Variants in PTPRT observed in about 807,000 individuals in gnomAD.
PTPRT encodes protein tyrosine phosphatase receptor type T.
In PTPRT, 56 loss-of-function variants were observed where a neutral mutation model predicts 176.8. The ratio of observed to expected loss-of-function variants is 0.32; its 90% CI spans 0.26 to 0.40. The LOEUF (loss-of-function observed/expected upper bound fraction) is 0.40. Among genes scored for constraint, PTPRT ranks in the 10% least tolerant of loss-of-function variants. PTPRT has a pLI of 1.00. For synonymous variants in PTPRT, 783 were observed against 739.0 expected, an observed-to-expected ratio of 1.06 and a Z score of -0.96; for missense variants, 1,540 against 1,908.2, an observed-to-expected ratio of 0.81 and a Z score of 3.60.
chr20:42,429,791 G>A (rs1389570637), intron 9 of PTPRT, among the ~76,000 whole-genome samples: 1 of 152,204 alleles, frequency 6.6e-6, no homozygotes, highest in Non-Finnish European at 1.5e-5. Context: ...TCATCCAGGT[G>A]CCGAGGGTCA....
intron 1 of PTPRT, among the ~76,000 whole-genome samples, chr20:43,173,009 A>G (rs2015041333): frequency 6.6e-6 from 1 of 151,494 alleles, no homozygotes; most frequent in African/African-American, 2.4e-5. Context: ...AGTAGCTGGG[A>G]TTACAGGCAT....
chr20:43,038,414 T>C (rs1223052342), intron 1 of PTPRT, among the ~76,000 whole-genome samples: 2 of 152,164 alleles, frequency 1.3e-5, no homozygotes, highest in African/African-American at 4.8e-5. Context: ...TAAAACCACA[T>C]GACAATCTCA....
At chr20:42,476,804 C>T (rs542762366) in intron 7 of PTPRT, among the ~76,000 whole-genome samples, 6 of 152,234 alleles carry the variant, frequency 3.9e-5, no homozygotes, top group African/African-American at 4.8e-5. Context: ...AACAACTCGA[C>T]GGTATAGGAA....
chr20:43,141,313 C>T (rs558406080), intron 1 of PTPRT, among the ~76,000 whole-genome samples: 3 of 152,276 alleles, frequency 2.0e-5, no homozygotes, highest in East Asian at 3.9e-4. Flanking sequence ...TTCTGCTGGT[C>T]GTGGCGAGGC....
intron 8 of PTPRT, among the ~76,000 whole-genome samples, chr20:42,470,767 G>GGAGGACAGGTCATTCCAA (rs2071179521): frequency 6.6e-6 from 1 of 152,018 alleles, no homozygotes; most frequent in East Asian, 1.9e-4. Flanking sequence ...TTGCAAACAT[G>GGAGGACAGGTCATTCCAA]GAGGACAGGT....
At chr20:42,408,760 TA>T (rs1312256454) in intron 9 of PTPRT, among the ~76,000 whole-genome samples, 1 of 152,210 alleles carries the variant, frequency 6.6e-6, no homozygotes, top group Non-Finnish European at 1.5e-5. Flanking sequence ...TCTGCTGCTA[TA>T]AAAAAATACT....
chr20:42,939,719 G>GA (rs896242493), intron 1 of PTPRT, among the ~76,000 whole-genome samples: 10 of 151,694 alleles, frequency 6.6e-5, no homozygotes, highest in Non-Finnish European at 1.3e-4. Context: ...ATTTTAGTAA[G>GA]AAAAAAAGAC....
chr20:42,678,015 G>A lies in PTPRT; in HGVS notation c.1004C>T (p.Ala335Val), dbSNP rs2146066809. Residue 335 changes from alanine (A) to valine (V), a missense_variant, in exon 7 of 31, where the codon GCA (alanine) becomes GTA (valine). Ala to Val is a moderately conservative substitution (Grantham distance 64). This residue lies in a region of PTPRT where 273 missense variants were observed against 432.1 expected (regional missense o/e 0.63). Transcript: ENST00000373187. ...GGGAGAGTCGACTATGTGGGTCTCT[G>A]CCCACGTGCCTGTGGTGGTGCGATA... ...VEYRTTTGTW[A>V]ETHIVDSPNY... The A allele has an allele frequency of 6.2e-7, 1 of 1,614,128 alleles. No homozygotes were observed. Among genetic ancestry groups the A allele is most frequent in the East Asian group, 2.2e-5 (1 of 44,848 alleles).
At position 42,206,753 on chromosome 20, in the gene PTPRT, C is replaced by CGGAAG. The variant is rs1284368043; in HGVS notation, c.2343-7370_2343-7366dup. On this transcript the variant is annotated intron_variant, in intron 15 of 30. Transcript: ENST00000373187. ...GCTTGCTTAGATAAACAAAGCAGCCCGGAAGCTCGAACTGGGTGAACTGGG... is the reference window on the plus strand; with the variant it reads ...GCTTGCTTAGATAAACAAAGCAGCCCGGAAGGGAAGCTCGAACTGGGTGAACTGGG... 1.2e-4 allele frequency among the ~76,000 whole-genome samples: 19 copies of CGGAAG among 152,334 alleles called. No individual in the cohort carries two copies. In the East Asian group the frequency reaches 3.7e-3, roughly 29 times the overall value.
intron 16 of PTPRT, among the ~76,000 whole-genome samples, chr20:42,184,431 G>A (rs1165304026): frequency 1.3e-5 from 2 of 150,020 alleles, no homozygotes. Flanking sequence ...CCTTTCCTTT[G>A]CTTTCCCTCC....
At chr20:42,704,446 AG>A (rs2076021183) in intron 6 of PTPRT, among the ~76,000 whole-genome samples, 1 of 151,234 alleles carries the variant, frequency 6.6e-6, no homozygotes, top group Admixed American at 6.6e-5. Context: ...AAAAAAAAAA[AG>A]TTCCACTTCC....
chr20:42,197,723 G>GA lies in PTPRT; in HGVS notation c.2491+1516dup, dbSNP rs202171739. ...ACTTCTAAATGATTCAGAAAATTTT[G>GA]AAAAAAAAAACATGGATAAGGGGAG... On this transcript the variant is annotated intron_variant, in intron 16 of 30. Coordinates refer to ENST00000373187, the MANE Select transcript of PTPRT (RefSeq NM_007050.6). Among the ~76,000 whole-genome samples, 1,125 of 144,224 alleles carry GA rather than the reference G, an allele frequency of 7.8e-3. 9 individuals carry two copies. The highest frequency in any genetic ancestry group is 6.6e-3 in the Non-Finnish European group (433 of 65,514). 94.6% of individuals were successfully genotyped at this position (144,224 alleles called of 152,430 possible). A position where few individuals can be genotyped will look rare whatever the true frequency, so the allele number is the denominator to read the frequency against.
chr20:42,284,731 T>C (rs1030112731), intron 12 of PTPRT, among the ~76,000 whole-genome samples: 1 of 151,942 alleles, frequency 6.6e-6, no homozygotes, highest in African/African-American at 2.4e-5. Context: ...AAGGTTGGGT[T>C]GACATGACTT....
chr20:42,371,893 C>T (rs2058591397), intron 9 of PTPRT, among the ~76,000 whole-genome samples: 2 of 152,124 alleles, frequency 1.3e-5, no homozygotes, highest in African/African-American at 4.8e-5. Context: ...ACTGGGGTCA[C>T]CTTAGAGGGA....
chr20:42,511,237 T>C (rs540161759), intron 7 of PTPRT, among the ~76,000 whole-genome samples: 10 of 152,294 alleles, frequency 6.6e-5, no homozygotes, highest in East Asian at 1.9e-4. Context: ...TGTTTCTTTA[T>C]AAATCACCCA....
chr20:42,604,397 G>A (rs2073836157), intron 7 of PTPRT, among the ~76,000 whole-genome samples: 1 of 152,202 alleles, frequency 6.6e-6, no homozygotes, highest in Non-Finnish European at 1.5e-5. Flanking sequence ...CTGGAGACAG[G>A]AATCTGGTTT....
intron 6 of PTPRT, among the ~76,000 whole-genome samples, chr20:42,704,923 C>A (rs767647687): frequency 2.0e-5 from 3 of 151,978 alleles, no homozygotes; most frequent in Non-Finnish European, 4.4e-5. Context: ...TAATAACATG[C>A]GGCCGGGCGT....
At chr20:42,172,141 G>T (rs1990104068) in intron 16 of PTPRT, among the ~76,000 whole-genome samples, 1 of 152,032 alleles carries the variant, frequency 6.6e-6, no homozygotes, top group Non-Finnish European at 1.5e-5. Context: ...AAGGATAGGT[G>T]GGTTTGAAAA....
chr20:42,570,453 C>A (rs1302080191), intron 7 of PTPRT, among the ~76,000 whole-genome samples: 1 of 152,166 alleles, frequency 6.6e-6, no homozygotes, highest in African/African-American at 2.4e-5. Context: ...CTGACTCCAC[C>A]AAACACAGAT....
Sources: allele counts gnomAD v4.1 joint callset (sites outside exome capture counted in the v4.1 genomes callset), GRCh38; gene constraint gnomAD v4.1.1; regional missense constraint gnomAD v4.1.1; transcripts MANE v1.5; gene names NCBI Gene and HGNC (gene_info 2026-07-23, HGNC 2026-07-21).